Variants in XKR6 observed in about 807,000 individuals in gnomAD.
The protein encoded by XKR6 is XK related 6, also known as XK-related protein 6.
A neutral mutation model predicts 56.7 loss-of-function variants in XKR6; 22 were observed. The observed-to-expected ratio is 0.39, with a 90% CI of 0.28 to 0.55. XKR6 has a LOEUF of 0.55. Among genes scored for constraint, XKR6 ranks in the 20% least tolerant of loss-of-function variants. XKR6 has a pLI of 0.66. For missense variants in XKR6, 852 were observed against 889.0 expected (o/e 0.96, Z 0.53); for synonymous variants, 524 against 387.8 (o/e 1.35, Z -4.13).
rs1255607309 is a variant in XKR6 at position 10,898,366 on chromosome 8, T to A, written c.1512A>T (p.Arg504=). Residue 504 remains arginine (R), a synonymous_variant, in exon 3 of 3, where the codon CGA becomes CGT. Transcript: ENST00000416569. The surrounding 1 kb of genome is among the most constrained non-coding windows in gnomAD (Gnocchi z 6.6). ...YYGVLHPTGP[R]AKILASSCCA... ...AACAGGAGCTGGCAAGGATCTTAGCTCGTGGTCCTGTGGGATGCAGCACGC... is the reference window on the plus strand; with the variant it reads ...AACAGGAGCTGGCAAGGATCTTAGCACGTGGTCCTGTGGGATGCAGCACGC... The A allele has an allele frequency of 6.2e-7, 1 of 1,613,880 alleles. No individual in the cohort carries two copies. The highest frequency in any genetic ancestry group is 1.3e-5 in the African/African-American group (1 of 74,882).
chr8:11,123,907 C>T (rs985582205), intron 1 of XKR6: 8 of 456,116 alleles, frequency 1.8e-5, no homozygotes, highest in East Asian at 7.0e-5. Context: ...CCTTCCCTCC[C>T]TCATGATGTT....
intron 1 of XKR6, among the ~76,000 whole-genome samples, chr8:11,016,099 C>T (rs4841479): frequency 0.33 from 49,644 of 152,126 alleles, 8,532 homozygotes; most frequent in Middle Eastern, 0.45. Context: ...AGTCCTTCCC[C>T]GCGGCGCTCC....
intron 1 of XKR6, among the ~76,000 whole-genome samples, chr8:11,017,505 C>T (rs1798653225): frequency 6.6e-6 from 1 of 152,236 alleles, no homozygotes; most frequent in Non-Finnish European, 1.5e-5. Flanking sequence ...CTGCAAGTAA[C>T]ACGACATTTG....
intron 1 of XKR6, among the ~76,000 whole-genome samples, chr8:10,976,496 C>T (rs530401877): frequency 7.9e-5 from 12 of 152,280 alleles, no homozygotes; most frequent in East Asian, 1.9e-4. Flanking sequence ...TGTCCCTCTG[C>T]GCCCCCCGGG....
chr8:11,166,821 C>T (rs1204383654), intron 1 of XKR6, among the ~76,000 whole-genome samples: 1 of 152,170 alleles, frequency 6.6e-6, no homozygotes, highest in Non-Finnish European at 1.5e-5. Flanking sequence ...GATCCAACCG[C>T]CTCGACCTCT....
intron 1 of XKR6, among the ~76,000 whole-genome samples, chr8:11,001,764 C>G (rs1024202732): frequency 6.6e-6 from 1 of 152,220 alleles, no homozygotes; most frequent in Admixed American, 6.5e-5. Context: ...TGCCTGGCTC[C>G]TTCAGAACCT....
chr8:11,139,792 G>A (rs766396480), intron 1 of XKR6, among the ~76,000 whole-genome samples: 8 of 152,122 alleles, frequency 5.3e-5, no homozygotes, highest in African/African-American at 7.2e-5. Context: ...GAAAACTAGC[G>A]TCACATACAA....
chr8:10,964,918 G>A (rs932243881), intron 1 of XKR6, among the ~76,000 whole-genome samples: 2 of 152,188 alleles, frequency 1.3e-5, no homozygotes, highest in African/African-American at 4.8e-5. Context: ...AGCGCTCCAG[G>A]GCGCTGTTAA....
intron 1 of XKR6, among the ~76,000 whole-genome samples, chr8:11,076,781 C>T (rs926811166): frequency 2.6e-5 from 4 of 152,192 alleles, no homozygotes; most frequent in East Asian, 1.9e-4. Context: ...ACTCTGGGCC[C>T]GCAGAGGACA....
chr8:10,939,193 C>G (rs1801314308), intron 1 of XKR6, among the ~76,000 whole-genome samples: 1 of 152,158 alleles, frequency 6.6e-6, no homozygotes, highest in South Asian at 2.1e-4. Context: ...CTTCCGCTCC[C>G]CAGTAAACAG....
intron 1 of XKR6, among the ~76,000 whole-genome samples, chr8:11,078,777 G>A (rs1800339430): frequency 6.6e-6 from 1 of 152,196 alleles, no homozygotes; most frequent in African/African-American, 2.4e-5. Context: ...AGAGAGGACA[G>A]TGACGCCAAC....
At chr8:10,941,413 A>G (rs1371596601) in intron 1 of XKR6, among the ~76,000 whole-genome samples, 1 of 152,114 alleles carries the variant, frequency 6.6e-6, no homozygotes, top group East Asian at 1.9e-4. Flanking sequence ...GGAGATGGAG[A>G]AACTGAGGCA....
chr8:10,971,417 T>C (rs4841467), intron 1 of XKR6, among the ~76,000 whole-genome samples: 58,663 of 151,492 alleles, frequency 0.39, 11,903 homozygotes, highest in African/African-American at 0.5. Flanking sequence ...CGAGACTCCA[T>C]CTCGAAAAGT....
intron 1 of XKR6, among the ~76,000 whole-genome samples, chr8:10,986,991 C>T (rs192093459): frequency 1.5e-4 from 23 of 151,908 alleles, no homozygotes; most frequent in African/African-American, 4.8e-4. Context: ...GGTCTCACTA[C>T]GTTGCACAGG....
chr8:11,069,624 T>C (rs1231705681), intron 1 of XKR6, among the ~76,000 whole-genome samples: 2 of 152,066 alleles, frequency 1.3e-5, no homozygotes, highest in Non-Finnish European at 2.9e-5. Context: ...TAGAGTGCCA[T>C]CAGCCCACTG....
intron 1 of XKR6, among the ~76,000 whole-genome samples, chr8:10,950,500 C>T (rs907663511): frequency 1.3e-5 from 2 of 152,102 alleles, no homozygotes; most frequent in East Asian, 3.9e-4. Context: ...GCATCTTGAG[C>T]CTCAGTCACC....
At chr8:10,975,339 C>T (rs532904807) in intron 1 of XKR6, among the ~76,000 whole-genome samples, 59 of 152,328 alleles carry the variant, frequency 3.9e-4, no homozygotes, top group African/African-American at 1.3e-3. Context: ...GCATTGAGGC[C>T]AGCTGCTGCC....
chr8:10,995,693 C>CAA (rs33957321), intron 1 of XKR6, among the ~76,000 whole-genome samples: 7,103 of 114,888 alleles, frequency 0.062, 673 homozygotes, highest in African/African-American at 0.2. Flanking sequence ...ATCTCCCCAC[C>CAA]AAAAAAAAAA....
intron 1 of XKR6, among the ~76,000 whole-genome samples, chr8:10,958,692 G>C (rs1010372175): frequency 1.3e-5 from 2 of 152,224 alleles, no homozygotes; most frequent in African/African-American, 4.8e-5. Flanking sequence ...GATGGAGGCA[G>C]TGGCCATTTT....
Sources: gnomAD v4.1 joint callset for allele counts (sites outside exome capture counted in the v4.1 genomes callset) on GRCh38, gnomAD v4.1.1 for gene constraint, Gnocchi (gnomAD v3.1) non-coding constraint, MANE v1.5 for transcripts, NCBI Gene and HGNC (gene_info 2026-07-23, HGNC 2026-07-21) for gene names.